Variants in RBFOX1 observed in about 807,000 individuals in gnomAD.
RBFOX1 encodes RNA binding fox-1 homolog 1.
RBFOX1 carries 8 observed loss-of-function variants against 57.7 expected under a neutral mutation model. The ratio of observed to expected loss-of-function variants is 0.14; its 90% CI spans 0.08 to 0.25. The LOEUF (loss-of-function observed/expected upper bound fraction) is 0.25. RBFOX1 is among the 10% of genes least tolerant of loss of function. The pLI, the probability that RBFOX1 is intolerant of heterozygous loss-of-function variation, is 1.00. For missense variants in RBFOX1, 611 were observed against 548.5 expected, an observed-to-expected ratio of 1.11 and a Z score of -1.14; for synonymous variants, 326 against 222.4, an observed-to-expected ratio of 1.47 and a Z score of -4.15.
intron 3 of RBFOX1, among the ~76,000 whole-genome samples, chr16:6,746,216 C>A (rs1166827724): frequency 6.6e-6 from 1 of 151,872 alleles, no homozygotes; most frequent in Admixed American, 6.6e-5. Flanking sequence ...CAACACAATG[C>A]CAATCAAACC....
chr16:7,019,073 TGTGA>T (rs2094071215), intron 3 of RBFOX1, among the ~76,000 whole-genome samples: 1 of 152,088 alleles, frequency 6.6e-6, no homozygotes, highest in Admixed American at 6.6e-5. Context: ...AGTGTGTGTG[TGTGA>T]GTGTGTGTAT....
intron 2 of RBFOX1, among the ~76,000 whole-genome samples, chr16:5,591,907 A>G (rs1315856381): frequency 6.6e-6 from 1 of 152,234 alleles, no homozygotes; most frequent in Non-Finnish European, 1.5e-5. Context: ...CCTAGTCCGA[A>G]TATTATCAAC....
At chr16:6,655,820 C>T (rs1603014147) in intron 3 of RBFOX1, among the ~76,000 whole-genome samples, 1 of 152,148 alleles carries the variant, frequency 6.6e-6, no homozygotes, top group South Asian at 2.1e-4. Context: ...TTATTTCAAG[C>T]AGAGGTTTTC....
intron 2 of RBFOX1, among the ~76,000 whole-genome samples, chr16:6,346,538 T>C (rs2085401283): frequency 6.6e-6 from 1 of 152,214 alleles, no homozygotes; most frequent in Admixed American, 6.5e-5. Flanking sequence ...CTTCCCTACC[T>C]CACTTCTGTT....
At chr16:5,671,357 T>A (rs963722898) in intron 3 of RBFOX1, among the ~76,000 whole-genome samples, 1 of 152,110 alleles carries the variant, frequency 6.6e-6, no homozygotes, top group Non-Finnish European at 1.5e-5. Context: ...CAGAGAGGGA[T>A]GCTCCATTAT....
intron 3 of RBFOX1, among the ~76,000 whole-genome samples, chr16:6,915,517 C>A (rs989180238): frequency 6.6e-6 from 1 of 150,766 alleles, no homozygotes; most frequent in East Asian, 2.0e-4. Context: ...TAAACAATAA[C>A]TATTTTTTCT....
chr16:6,360,273 A>T (rs995102721), intron 2 of RBFOX1, among the ~76,000 whole-genome samples: 2 of 151,974 alleles, frequency 1.3e-5, no homozygotes, highest in African/African-American at 4.8e-5. Context: ...ACCTGCCTGG[A>T]GACCTGTCCA....
intron 13 of RBFOX1, among the ~76,000 whole-genome samples, chr16:7,675,846 C>T (rs952352841): frequency 5.3e-5 from 8 of 152,150 alleles, no homozygotes; most frequent in South Asian, 2.1e-4. Context: ...GTGTTATCAG[C>T]GGACACTGGA....
At position 5,576,359 on chromosome 16, in the gene RBFOX1, C is replaced by T. The variant is rs140256791; in HGVS notation, c.259-22543C>T. Among the ~76,000 whole-genome samples the T allele has an allele frequency of 4.4e-3, 673 of 152,250 alleles. 3 individuals carry two copies. The highest frequency in any genetic ancestry group is 0.015 in the African/African-American group (616 of 41,546). The stretch of plus-strand genomic sequence containing the variant: ...CATAATCCTTTTTCCTTTTCTCCTT[C>T]AGTCCCTCCCTACTTGTATTTCTAT... On this transcript the variant is annotated intron_variant, in intron 2 of 2. Transcript: ENST00000585867.
At chr16:5,585,616 C>T (rs532156109) in intron 2 of RBFOX1, among the ~76,000 whole-genome samples, 3 of 152,240 alleles carry the variant, frequency 2.0e-5, no homozygotes, top group South Asian at 4.1e-4. Context: ...TGGGATATCC[C>T]GATGAAAGGG....
chr16:7,149,246 G>A (rs1438626835), intron 4 of RBFOX1, among the ~76,000 whole-genome samples: 2 of 152,124 alleles, frequency 1.3e-5, no homozygotes, highest in African/African-American at 4.8e-5. Flanking sequence ...TTTTGATCTG[G>A]TGGAAGAGAG....
intron 3 of RBFOX1, among the ~76,000 whole-genome samples, chr16:6,692,220 A>G (rs948949578): frequency 2.0e-5 from 3 of 152,202 alleles, no homozygotes; most frequent in Non-Finnish European, 4.4e-5. Context: ...ATCAATAGGA[A>G]ACTAACTCAG....
chr16:6,928,831 A>G (rs2076057390), intron 3 of RBFOX1, among the ~76,000 whole-genome samples: 1 of 152,170 alleles, frequency 6.6e-6, no homozygotes, highest in African/African-American at 2.4e-5. Flanking sequence ...TAACACACAC[A>G]AAAAAATCAG....
chr16:5,449,739 G>A (rs1376700671), intron 1 of RBFOX1, among the ~76,000 whole-genome samples: 3 of 152,032 alleles, frequency 2.0e-5, no homozygotes, highest in Admixed American at 1.3e-4. Context: ...CCCCCGAGTA[G>A]ATGGAAACAC....
At chr16:7,043,653 C>A (rs2046919329) in intron 3 of RBFOX1, among the ~76,000 whole-genome samples, 1 of 152,168 alleles carries the variant, frequency 6.6e-6, no homozygotes, top group Admixed American at 6.5e-5. Flanking sequence ...TCATAATTGT[C>A]CTGAAAACTG....
At chr16:6,946,730 A>G (rs2079602517) in intron 3 of RBFOX1, among the ~76,000 whole-genome samples, 1 of 152,066 alleles carries the variant, frequency 6.6e-6, no homozygotes, top group African/African-American at 2.4e-5. Context: ...AGTCTCCCAA[A>G]TAGCTGGGAC....
At chr16:7,024,013 G>C (rs1479054981) in intron 3 of RBFOX1, among the ~76,000 whole-genome samples, 1 of 152,104 alleles carries the variant, frequency 6.6e-6, no homozygotes, top group Non-Finnish European at 1.5e-5. Context: ...ATATCCTCCT[G>C]ATAACCGTAT....
At chr16:7,203,592 G>A (rs1020034592) in intron 4 of RBFOX1, among the ~76,000 whole-genome samples, 6 of 152,218 alleles carry the variant, frequency 3.9e-5, no homozygotes, top group East Asian at 1.9e-4. Flanking sequence ...GAGGTGGGCC[G>A]TGCCCAGGAT....
At chr16:6,868,616 C>T (rs1383990354) in intron 3 of RBFOX1, among the ~76,000 whole-genome samples, 2 of 152,042 alleles carry the variant, frequency 1.3e-5, no homozygotes, top group Non-Finnish European at 2.9e-5. Flanking sequence ...GGATTATAGG[C>T]ACACACCACC....
Sources: allele counts gnomAD v4.1 joint callset (sites outside exome capture counted in the v4.1 genomes callset), GRCh38; gene constraint gnomAD v4.1.1; transcripts MANE v1.5; gene names NCBI Gene and HGNC (gene_info 2026-07-23, HGNC 2026-07-21).